Variants in ABI3BP observed in about 807,000 individuals in gnomAD.
ABI3BP encodes the protein ABI family member 3 binding protein.
Under a neutral mutation model 268.6 loss-of-function variants are expected in ABI3BP, and 216 were observed. The ratio of observed to expected loss-of-function variants is 0.80; its 90% CI spans 0.72 to 0.90. The LOEUF is 0.90. ABI3BP is among the 40% of genes least tolerant of loss of function. The pLI is 0.00. For synonymous variants in ABI3BP, 730 were observed against 730.0 expected, an observed-to-expected ratio of 1.00 and a Z score of 0.00; for missense variants, 2,090 against 2,182.4, an observed-to-expected ratio of 0.96 and a Z score of 0.84.
chr3:100,882,139 T>A (rs542495745), intron 6 of ABI3BP, among the ~76,000 whole-genome samples: 1 of 152,342 alleles, frequency 6.6e-6, no homozygotes, highest in Admixed American at 6.5e-5. Flanking sequence ...GGTGTAAGCA[T>A]GTTCATATGA....
intron 65 of ABI3BP, among the ~76,000 whole-genome samples, chr3:100,753,173 C>T (rs2095428718): frequency 6.6e-6 from 1 of 152,190 alleles, no homozygotes; most frequent in East Asian, 1.9e-4. Flanking sequence ...GTTGAATAGC[C>T]TCTGCAGAGC....
chr3:100,848,585 C>A lies in ABI3BP; in HGVS notation c.1576+216G>T, dbSNP rs1299291272. Among the ~76,000 whole-genome samples the A allele has an allele frequency of 2.6e-5, 4 of 151,914 alleles. No individual in the cohort carries two copies. In the East Asian group the frequency reaches 7.7e-4, roughly 29 times the overall value. ...TTCTGGGCTCAAGAAGCACACCATG[C>A]CTGGCTAATTTTTTAAACTTTTGCA... On this transcript the variant is annotated intron_variant, in intron 18 of 67. Transcript: ENST00000471714.
intron 14 of ABI3BP, among the ~76,000 whole-genome samples, chr3:100,852,272 C>T (rs1195155286): frequency 6.6e-6 from 1 of 152,158 alleles, no homozygotes; most frequent in Non-Finnish European, 1.5e-5. Context: ...TAAATAAAGT[C>T]AGATGGCAGT....
intron 21 of ABI3BP, 63 bp from the exon 22 acceptor site, chr3:100,840,921 T>A: frequency 7.5e-7 from 1 of 1,328,356 alleles, no homozygotes; most frequent in Non-Finnish European, 1.0e-6. Context: ...GACATGTATT[T>A]AAAACATGGA....
In ABI3BP at chr3:100,792,772, G is replaced by T. The variant is rs759960201; in HGVS notation, c.3947-4C>A. The T allele has an allele frequency of 6.2e-7, 1 of 1,610,004 alleles. No homozygotes were observed. The highest frequency in any genetic ancestry group is 1.1e-5 in the South Asian group (1 of 90,934). On this transcript the variant is annotated splice_region_variant and splice_polypyrimidine_tract_variant and intron_variant, in intron 54 of 67. Coordinates refer to ENST00000471714, the MANE Select transcript of ABI3BP (RefSeq NM_001375547.2). ...TGGGTGGATTGGTCTGTTTCTTCTA[G>T]AGAAAACACAGTAAGATTGCTTGTT...
intron 35 of ABI3BP, 61 bp downstream of exon 35, chr3:100,825,724 G>T: frequency 7.8e-7 from 1 of 1,288,246 alleles, no homozygotes; most frequent in Non-Finnish European, 1.1e-6. Context: ...AAGACTGAAT[G>T]GACTGTACAA....
In ABI3BP at chr3:100,816,757, G is replaced by A. The variant is rs1560392729; in HGVS notation, c.3160C>T (p.Gln1054Ter). 6.5e-7 allele frequency: 1 copy of A among 1,535,800 alleles called. No individual in the cohort carries two copies. The highest frequency in any genetic ancestry group is 2.0e-5 in the Admixed American group (1 of 50,978). ...FPETTLAPKT[Q>*]RTRRPRPRPK... is the part of the protein sequence containing the mutation. ...CTGGGACGGGGACGACGTGTCCGTTGTGTTTTAGGAGCTGAAGGAAGAAAC... is the reference window on the plus strand; with the variant it reads ...CTGGGACGGGGACGACGTGTCCGTTATGTTTTAGGAGCTGAAGGAAGAAAC... The change falls in exon 43 of 68, where the codon CAA (glutamine) becomes TAA (stop). Residue 1054 changes from glutamine (Q) to a stop codon, truncating the protein, a stop_gained. Coordinates refer to ENST00000471714, the MANE Select transcript of ABI3BP (RefSeq NM_001375547.2). LOFTEE classifies it high-confidence loss of function.
At chr3:100,952,553 A>C (rs903632387) in intron 1 of ABI3BP, 4 of 152,194 alleles carry the variant, frequency 2.6e-5, no homozygotes, top group African/African-American at 9.6e-5. Context: ...TTGATCTATT[A>C]ATATGTACAC....
At chr3:100,934,228 C>T (rs958428955) in intron 1 of ABI3BP, among the ~76,000 whole-genome samples, 4 of 151,776 alleles carry the variant, frequency 2.6e-5, no homozygotes, top group African/African-American at 9.7e-5. Context: ...TGAGAAAATG[C>T]AGTGTCTGGT....
chr3:100,890,929 C>A (rs1020477055), intron 4 of ABI3BP, among the ~76,000 whole-genome samples: 2 of 152,068 alleles, frequency 1.3e-5, no homozygotes, highest in African/African-American at 4.8e-5. Flanking sequence ...AGCATGTGAG[C>A]CCCAGTTTAG....
At chr3:100,918,020 G>A (rs1474945821) in intron 2 of ABI3BP, among the ~76,000 whole-genome samples, 2 of 151,974 alleles carry the variant, frequency 1.3e-5, no homozygotes, top group South Asian at 2.1e-4. Context: ...TGAAGTTCTG[G>A]TAAATTTTGC....
At chr3:100,792,565 C>G (rs1434499768) in intron 55 of ABI3BP, 126 bp downstream of exon 55, 6 of 936,842 alleles carry the variant, frequency 6.4e-6, no homozygotes, top group Non-Finnish European at 9.9e-6. Flanking sequence ...TTTCTTTCAC[C>G]TATAAAATGA....
chr3:100,847,257 T>C (rs1456024723), intron 19 of ABI3BP, among the ~76,000 whole-genome samples: 1 of 152,160 alleles, frequency 6.6e-6, no homozygotes, highest in Non-Finnish European at 1.5e-5. Context: ...CCAAATGAAG[T>C]TGGAAGTTGA....
At chr3:100,808,569 A>G (rs988060464) in intron 49 of ABI3BP, among the ~76,000 whole-genome samples, 4 of 152,114 alleles carry the variant, frequency 2.6e-5, no homozygotes, top group Admixed American at 6.6e-5. Context: ...ATTTTATCAG[A>G]ATATTTAGTT....
chr3:100,907,813 G>A (rs2054151809), intron 2 of ABI3BP, among the ~76,000 whole-genome samples: 1 of 152,060 alleles, frequency 6.6e-6, no homozygotes, highest in African/African-American at 2.4e-5. Flanking sequence ...TCCCAGGAAT[G>A]TAACATAAAG....
intron 44 of ABI3BP, among the ~76,000 whole-genome samples, chr3:100,813,999 C>T (rs2097933187): frequency 2.0e-5 from 3 of 151,990 alleles, no homozygotes; most frequent in Middle Eastern, 6.8e-3. Flanking sequence ...GTGAAAATGG[C>T]ATGAAATTCA....
chr3:100,842,898 AAAGAAAG>A (rs1259034056), intron 20 of ABI3BP, among the ~76,000 whole-genome samples: 5 of 152,192 alleles, frequency 3.3e-5, no homozygotes, highest in Non-Finnish European at 5.9e-5. Flanking sequence ...GACTTTTCTT[AAAGAAAG>A]AAACTAATCA....
At chr3:100,818,196 T>C (rs924143873) in intron 41 of ABI3BP, among the ~76,000 whole-genome samples, 3 of 152,142 alleles carry the variant, frequency 2.0e-5, no homozygotes, top group Admixed American at 1.3e-4. Context: ...TTCCCTACAA[T>C]TGATGAGGAA....
At chr3:100,912,061 T>C (rs2056733758) in intron 2 of ABI3BP, 1 of 728,326 alleles carries the variant, frequency 1.4e-6, no homozygotes, top group African/African-American at 1.7e-5. Flanking sequence ...AATGCTATTC[T>C]TGCCTTCATC....
Sources: allele counts gnomAD v4.1 joint callset (sites outside exome capture counted in the v4.1 genomes callset), GRCh38; gene constraint gnomAD v4.1.1; transcripts MANE v1.5; gene names NCBI Gene and HGNC (gene_info 2026-07-23, HGNC 2026-07-21).